The following ARGLU1 variants were observed in gnomAD, a reference collection of about 807,000 sequenced individuals.
ARGLU1 encodes arginine and glutamate rich 1.
ARGLU1 carries 9 observed loss-of-function variants against 37.6 expected under a neutral mutation model. The ratio of observed to expected loss-of-function variants is 0.24; its 90% CI spans 0.14 to 0.42. The LOEUF is 0.42. Ranked by LOEUF, ARGLU1 falls within the 10% of genes least tolerant of loss-of-function variation. ARGLU1 has a pLI of 1.00. For synonymous variants in ARGLU1, 166 were observed against 138.5 expected, an observed-to-expected ratio of 1.20 and a Z score of -1.39; for missense variants, 211 against 359.2, an observed-to-expected ratio of 0.59 and a Z score of 3.34.
intron 3 of ARGLU1, among the ~76,000 whole-genome samples, chr13:106,554,890 G>GA (rs67223132): frequency 3.0e-4 from 44 of 146,184 alleles, no homozygotes; most frequent in Admixed American, 4.1e-4. Context: ...ATCAAAAAAA[G>GA]AAAAAAAAAA....
rs770799372 is a variant in ARGLU1, at chr13:106,567,815, C to T, written c.105G>A (p.Glu35=). ...GAGATTTGGAACGCTTCCGCACGCG[C>T]TCCTTGTCCCGGGATCGCGACCGGG... ...SRSRSRSRDK[E]RVRKRSKSRE... is the part of the protein sequence containing the mutation. The change falls in exon 1 of 4, where the codon GAG becomes GAA. Residue 35 remains glutamate, a synonymous_variant. Coordinates refer to ENST00000400198, the MANE Select transcript of ARGLU1 (RefSeq NM_018011.4). This position sits in a 1 kb window ranked among gnomAD's most constrained non-coding sequence, Gnocchi z 4.3. 2 of 1,613,710 alleles carry T rather than the reference C, an allele frequency of 1.2e-6. No individual in the cohort carries two copies. The highest frequency in any genetic ancestry group is 2.2e-5 in the South Asian group (2 of 91,066).
intron 3 of ARGLU1, among the ~76,000 whole-genome samples, chr13:106,551,984 T>C (rs9587155): frequency 2.9e-3 from 442 of 152,300 alleles, no homozygotes; most frequent in African/African-American, 0.01. Flanking sequence ...CTCCTTGTCA[T>C]ATATGGGCAC....
At position 106,568,064 on chromosome 13, in the gene ARGLU1, G is replaced by T. The variant is rs1881028202; in HGVS notation, c.-145C>A. 7.8e-7 allele frequency: 1 copy of T among 1,283,470 alleles called. No individual in the cohort carries two copies. Among genetic ancestry groups the T allele is most frequent in the Non-Finnish European group, 1.0e-6 (1 of 982,330 alleles). 79.5% of individuals were successfully genotyped at this position (1,283,470 alleles called of 1,614,324 possible). On this transcript the variant is annotated 5_prime_UTR_variant, in exon 1 of 4. Coordinates refer to ENST00000400198, the MANE Select transcript of ARGLU1 (RefSeq NM_018011.4). ...CCAACGGACTTTATGCCTTTTCCCG[G>T]CGTCTACAGCTGCCACGAAGGCCGC... is the stretch of plus-strand genomic sequence containing the variant.
chr13:106,564,747 C>T (rs767112551), intron 1 of ARGLU1, among the ~76,000 whole-genome samples: 76 of 152,184 alleles, frequency 5.0e-4, no homozygotes, highest in Non-Finnish European at 1.1e-3. Flanking sequence ...AGGCTTCAGT[C>T]TCACATGATC....
intron 1 of ARGLU1, among the ~76,000 whole-genome samples, chr13:106,562,378 A>G (rs1478716169): frequency 6.6e-6 from 1 of 152,192 alleles, no homozygotes; most frequent in East Asian, 1.9e-4. Context: ...TACTGATGGC[A>G]AATTTATCAT....
chr13:106,557,359 G>C lies in ARGLU1; in HGVS notation c.574-228C>G. 2 of 605,468 alleles carry C rather than the reference G, an allele frequency of 3.3e-6. No homozygotes were observed. The highest frequency in any genetic ancestry group is 5.2e-6 in the Non-Finnish European group (2 of 383,292). The allele number at this position is 605,468 out of a possible 1,614,324, so 37.5% of individuals were successfully genotyped here. A position where few individuals can be genotyped will look rare whatever the true frequency, so the allele number is the denominator to read the frequency against. On this transcript the variant is annotated intron_variant, in intron 2 of 3. Transcript: ENST00000400198. This position sits in a 1 kb window ranked among gnomAD's most constrained non-coding sequence, Gnocchi z 5.0. Reference sequence around the variant, plus strand: ...AGCAACCAACTAAACCCTCCCTAATGATAGTTTCCTGGCAATTATTACTAA... The same window carrying C: ...AGCAACCAACTAAACCCTCCCTAATCATAGTTTCCTGGCAATTATTACTAA...
intron 3 of ARGLU1, among the ~76,000 whole-genome samples, chr13:106,545,249 C>A (rs1880361248): frequency 6.6e-6 from 1 of 152,170 alleles, no homozygotes. Flanking sequence ...TTGAGAAAGC[C>A]TGCTCTAACC....
In ARGLU1 at chr13:106,567,557, C is replaced by G. The variant is rs775222229; in HGVS notation, c.347+16G>C. On this transcript the variant is annotated intron_variant, in intron 1 of 3. Coordinates refer to ENST00000400198, the MANE Select transcript of ARGLU1 (RefSeq NM_018011.4). This position sits in a 1 kb window ranked among gnomAD's most constrained non-coding sequence, Gnocchi z 4.3. Reference sequence around the variant, plus strand: ...GCTCTCCGCACGCCCCGGTCCCTCCCCGCGCGGGCACTCACATTTTTCGCT... The same window carrying G: ...GCTCTCCGCACGCCCCGGTCCCTCCGCGCGCGGGCACTCACATTTTTCGCT... 1 of 1,569,234 alleles carries G rather than the reference C, an allele frequency of 6.4e-7. No homozygotes were observed. The highest frequency in any genetic ancestry group is 1.4e-5 in the African/African-American group (1 of 73,862).
chr13:106,559,316 G>A (rs1441440158), intron 2 of ARGLU1, 116 bp downstream of exon 2: 12 of 1,547,880 alleles, frequency 7.8e-6, no homozygotes, highest in Admixed American at 1.9e-5. Flanking sequence ...AAGTTTAGAC[G>A]AGAAAGGAAT....
At chr13:106,558,260 T>A (rs1361806539) in intron 2 of ARGLU1, 1 of 983,532 alleles carries the variant, frequency 1.0e-6, no homozygotes, top group Non-Finnish European at 1.2e-6. Context: ...AAATAAAAAT[T>A]TCATACATTC....
At chr13:106,547,146 G>C (rs1487687421) in intron 3 of ARGLU1, among the ~76,000 whole-genome samples, 1 of 152,028 alleles carries the variant, frequency 6.6e-6, no homozygotes, top group Non-Finnish European at 1.5e-5. Context: ...TCCACCATGG[G>C]GAAACCTCAT....
intron 3 of ARGLU1, among the ~76,000 whole-genome samples, chr13:106,555,085 C>A (rs1566473002): frequency 6.6e-6 from 1 of 151,752 alleles, no homozygotes; most frequent in Non-Finnish European, 1.5e-5. Flanking sequence ...GGGCCAGGAG[C>A]GGTGGCTCAC....
intron 1 of ARGLU1, among the ~76,000 whole-genome samples, chr13:106,563,579 GGATT>G (rs1880876359): frequency 6.6e-6 from 1 of 152,128 alleles, no homozygotes; most frequent in African/African-American, 2.4e-5. Flanking sequence ...TGAGGTAGAA[GGATT>G]ACTTGAGGCC....
intron 3 of ARGLU1, among the ~76,000 whole-genome samples, chr13:106,551,020 T>C (rs1476561268): frequency 2.0e-5 from 3 of 152,224 alleles, no homozygotes; most frequent in Non-Finnish European, 4.4e-5. Flanking sequence ...ATTTCCTGGA[T>C]AATCTCATCT....
chr13:106,556,980 TC>T (rs1880676037), intron 3 of ARGLU1, 67 bp downstream of exon 3: 2 of 1,388,738 alleles, frequency 1.4e-6, no homozygotes, highest in African/African-American at 2.8e-5. Flanking sequence ...CAAAAATCAA[TC>T]CACAAAATCC....
chr13:106,563,009 CAAAAA>C (rs71809659), intron 1 of ARGLU1, among the ~76,000 whole-genome samples: 1 of 94,402 alleles, frequency 1.1e-5, no homozygotes, highest in Non-Finnish European at 2.2e-5. Flanking sequence ...AAAAAAAAAA[CAAAAA>C]AAAAAACCAC....
chr13:106,550,935 T>C (rs186575557), intron 3 of ARGLU1, among the ~76,000 whole-genome samples: 2 of 152,288 alleles, frequency 1.3e-5, no homozygotes, highest in Admixed American at 6.5e-5. Context: ...GTTGGCAGTT[T>C]CTGCTGACAC....
In ARGLU1 at chr13:106,568,095, A is replaced by G; in HGVS notation, c.-176T>C. On this transcript the variant is annotated 5_prime_UTR_variant, in exon 1 of 4. Transcript: ENST00000400198. ...ACAGCTGCCACGAAGGCCGCCTCCA[A>G]CGAGAAACCCGTAGCGCCAGGCGCC... The G allele has an allele frequency of 2.0e-6, 2 of 984,886 alleles. No individual in the cohort carries two copies. The highest frequency in any genetic ancestry group is 3.3e-4 in the Middle Eastern group (1 of 3,018). The allele number at this position is 984,886 out of a possible 1,614,324, so 61.0% of individuals were successfully genotyped here. A position where few individuals can be genotyped will look rare whatever the true frequency, so the allele number is the denominator to read the frequency against.
At chr13:106,544,548 T>G (rs1230038120) in intron 3 of ARGLU1, among the ~76,000 whole-genome samples, 1 of 131,516 alleles carries the variant, frequency 7.6e-6, no homozygotes, top group Non-Finnish European at 1.6e-5. Context: ...ACAAATCACA[T>G]GTTGAGATGA....
Sources: allele counts gnomAD v4.1 joint callset (sites outside exome capture counted in the v4.1 genomes callset), GRCh38; gene constraint gnomAD v4.1.1; non-coding constraint Gnocchi (gnomAD v3.1); transcripts MANE v1.5; gene names NCBI Gene and HGNC (gene_info 2026-07-23, HGNC 2026-07-21).